Variants in MAGI1 observed in about 807,000 individuals in gnomAD.
The protein encoded by MAGI1 is membrane associated guanylate kinase, WW and PDZ domain containing 1.
Under a neutral mutation model 139.9 loss-of-function variants are expected in MAGI1, and 58 were observed. The ratio of observed to expected loss-of-function variants is 0.41; its 90% CI spans 0.34 to 0.52. The LOEUF (loss-of-function observed/expected upper bound fraction) is 0.52. Ranked by LOEUF, MAGI1 falls within the 20% of genes least tolerant of loss-of-function variation. The pLI, the probability that MAGI1 is intolerant of heterozygous loss-of-function variation, is 0.12. For synonymous variants in MAGI1, 812 were observed against 737.9 expected, an observed-to-expected ratio of 1.10 and a Z score of -1.63; for missense variants, 1,874 against 1,901.6, an observed-to-expected ratio of 0.99 and a Z score of 0.27.
chr3:65,464,661 T>C (rs1348856015), intron 5 of MAGI1, among the ~76,000 whole-genome samples: 2 of 152,126 alleles, frequency 1.3e-5, no homozygotes, highest in African/African-American at 4.8e-5. Context: ...ATTGCTACAT[T>C]TGAAATCATG....
intron 1 of MAGI1, among the ~76,000 whole-genome samples, chr3:65,887,970 A>G (rs1246862245): frequency 6.6e-6 from 1 of 152,154 alleles, no homozygotes; most frequent in Non-Finnish European, 1.5e-5. Flanking sequence ...TCAATAACTG[A>G]CTGTATCATT....
intron 1 of MAGI1, among the ~76,000 whole-genome samples, chr3:65,656,141 A>C (rs2085862355): frequency 6.6e-6 from 1 of 152,122 alleles, no homozygotes; most frequent in Admixed American, 6.5e-5. Context: ...AGAAAAATTA[A>C]GTTTCAGAAG....
At chr3:65,945,023 A>G (rs939164896) in intron 1 of MAGI1, among the ~76,000 whole-genome samples, 2 of 152,204 alleles carry the variant, frequency 1.3e-5, no homozygotes, top group Non-Finnish European at 2.9e-5. Flanking sequence ...TCACGTTACA[A>G]CATATATGAA....
intron 2 of MAGI1, among the ~76,000 whole-genome samples, chr3:65,560,024 A>C (rs2080269872): frequency 6.6e-6 from 1 of 152,226 alleles, no homozygotes. Flanking sequence ...CGAGAGAGTG[A>C]GACCCTGTCT....
chr3:65,389,521 G>T (rs1943729038), intron 14 of MAGI1, among the ~76,000 whole-genome samples: 1 of 152,170 alleles, frequency 6.6e-6, no homozygotes, highest in Non-Finnish European at 1.5e-5. Flanking sequence ...CCATTGACTG[G>T]ACGAGCCACA....
intron 1 of MAGI1, among the ~76,000 whole-genome samples, chr3:65,965,905 C>T (rs933877004): frequency 6.6e-6 from 1 of 152,078 alleles, no homozygotes; most frequent in Non-Finnish European, 1.5e-5. Flanking sequence ...CGCCTGCCTC[C>T]ACCTCCCAAA....
At chr3:65,449,618 T>A (rs1265258703) in intron 6 of MAGI1, among the ~76,000 whole-genome samples, 1 of 151,842 alleles carries the variant, frequency 6.6e-6, no homozygotes, top group Non-Finnish European at 1.5e-5. Context: ...CTATTAAAAA[T>A]ACAAAAAAAT....
At chr3:66,002,302 G>C (rs2066786232) in intron 1 of MAGI1, among the ~76,000 whole-genome samples, 1 of 152,102 alleles carries the variant, frequency 6.6e-6, no homozygotes, top group Non-Finnish European at 1.5e-5. Flanking sequence ...AATTCCCTGA[G>C]GTACCAATTT....
At chr3:65,819,530 A>G (rs961463369) in intron 1 of MAGI1, among the ~76,000 whole-genome samples, 1 of 152,050 alleles carries the variant, frequency 6.6e-6, no homozygotes, top group Non-Finnish European at 1.5e-5. Context: ...TTTATTTACA[A>G]AGTTGATTAC....
At chr3:65,534,659 G>C (rs779729014) in intron 2 of MAGI1, among the ~76,000 whole-genome samples, 18 of 152,128 alleles carry the variant, frequency 1.2e-4, no homozygotes, top group Non-Finnish European at 2.6e-4. Context: ...ACAGTGCCTG[G>C]CATACACATA....
At chr3:65,528,197 A>C (rs901544628) in intron 2 of MAGI1, among the ~76,000 whole-genome samples, 1 of 152,236 alleles carries the variant, frequency 6.6e-6, no homozygotes, top group African/African-American at 2.4e-5. Context: ...AACTAACAGA[A>C]GCACTTTATT....
chr3:65,411,136 AG>A (rs1330950242), intron 12 of MAGI1, among the ~76,000 whole-genome samples: 2 of 152,132 alleles, frequency 1.3e-5, no homozygotes, highest in Non-Finnish European at 2.9e-5. Flanking sequence ...CTACTTTTTA[AG>A]GGTAGAATTA....
At chr3:65,656,579 G>A (rs1428560508) in intron 1 of MAGI1, among the ~76,000 whole-genome samples, 3 of 137,122 alleles carry the variant, frequency 2.2e-5, no homozygotes. Context: ...AAATCTTTTA[G>A]AGCAAACTTC....
At chr3:65,562,623 G>A (rs2080414510) in intron 2 of MAGI1, among the ~76,000 whole-genome samples, 1 of 152,110 alleles carries the variant, frequency 6.6e-6, no homozygotes, top group African/African-American at 2.4e-5. Context: ...TGGGGAGGTG[G>A]GATTACAAGT....
At chr3:65,881,038 G>C (rs771778070) in intron 1 of MAGI1, among the ~76,000 whole-genome samples, 1 of 151,980 alleles carries the variant, frequency 6.6e-6, no homozygotes, top group Non-Finnish European at 1.5e-5. Flanking sequence ...CTCCCAACTA[G>C]CTGGGGCTAC....
chr3:65,479,242 G>A (rs1267807447), intron 3 of MAGI1, among the ~76,000 whole-genome samples: 2 of 152,172 alleles, frequency 1.3e-5, no homozygotes, highest in African/African-American at 2.4e-5. Flanking sequence ...AAGGGGACTC[G>A]TCAAGAGGGA....
At position 66,017,522 on chromosome 3, in the gene MAGI1, G is replaced by A. The variant is rs78275499; in HGVS notation, c.313+20474C>T. On this transcript the variant is annotated intron_variant, in intron 1 of 22. Coordinates refer to ENST00000402939, the MANE Select transcript of MAGI1 (RefSeq NM_001033057.2). ...CCAGGCAACAATGCAGCCTCCTGACGAACACCAAGCTAGAGGAAACCCACC... is the reference window on the plus strand; with the variant it reads ...CCAGGCAACAATGCAGCCTCCTGACAAACACCAAGCTAGAGGAAACCCACC... Among the ~76,000 whole-genome samples the A allele has an allele frequency of 4.2e-3, 635 of 152,288 alleles. 5 individuals are homozygous for A. The highest frequency in any genetic ancestry group is 0.015 in the African/African-American group (603 of 41,564).
At position 65,754,525 on chromosome 3, in the gene MAGI1, T is replaced by C. The variant is rs538582139; in HGVS notation, c.314-132437A>G. On this transcript the variant is annotated intron_variant, in intron 1 of 22. Transcript: ENST00000402939. ...TTTGAAACAAGTATCTTATTAGATG[T>C]ATTTCATGATTCACTTTCTGATGTT... Among the ~76,000 whole-genome samples, 29 of 152,326 alleles carry C rather than the reference T, an allele frequency of 1.9e-4. No homozygotes were observed. In the East Asian group the frequency reaches 5.2e-3, roughly 27 times the overall value.
intron 5 of MAGI1, among the ~76,000 whole-genome samples, chr3:65,457,425 C>A (rs946895830): frequency 3.9e-5 from 6 of 152,052 alleles, no homozygotes; most frequent in African/African-American, 1.4e-4. Flanking sequence ...GCTATTTGGA[C>A]AAATTTACTA....
Sources: allele counts gnomAD v4.1 joint callset (sites outside exome capture counted in the v4.1 genomes callset), GRCh38; gene constraint gnomAD v4.1.1; transcripts MANE v1.5; gene names NCBI Gene and HGNC (gene_info 2026-07-23, HGNC 2026-07-21).